Variants in NLRP11 observed in about 807,000 individuals in gnomAD.
NLRP11 encodes NLR family pyrin domain containing 11.
A neutral mutation model predicts 79.3 loss-of-function variants in NLRP11; 53 were observed. The ratio of observed to expected loss-of-function variants is 0.67; its 90% CI spans 0.54 to 0.84. NLRP11 has a LOEUF of 0.84. Among genes scored for constraint, NLRP11 ranks in the 40% least tolerant of loss-of-function variants. NLRP11 has a pLI of 0.00. For missense variants in NLRP11, 1,264 were observed against 1,255.0 expected, an observed-to-expected ratio of 1.01 and a Z score of -0.11; for synonymous variants, 518 against 462.6, an observed-to-expected ratio of 1.12 and a Z score of -1.54.
At chr19:55,792,860 C>G (rs1490374998) in intron 6 of NLRP11, among the ~76,000 whole-genome samples, 1 of 152,150 alleles carries the variant, frequency 6.6e-6, no homozygotes, top group Non-Finnish European at 1.5e-5. Context: ...AATACAGGAA[C>G]TGTTGAAGAT....
At position 55,788,939 on chromosome 19, in the gene NLRP11, G is replaced by T. The variant is rs1282819393; in HGVS notation, c.2723C>A (p.Ser908Tyr). The T allele has an allele frequency of 3.1e-6, 5 of 1,613,760 alleles. No individual in the cohort carries two copies. The highest frequency in any genetic ancestry group is 4.2e-6 in the Non-Finnish European group (5 of 1,179,998). Residue 908 changes from serine (S) to tyrosine (Y), a missense_variant, in exon 9 of 10, where the codon TCT becomes TAT. Physicochemically the swap from Ser to Tyr is moderately radical, Grantham distance 144. Coordinates refer to ENST00000589093, the Ensembl canonical transcript of NLRP11. ...GTTGGTGGTAAGAACAGAGGCAAGA[G>T]ATCGACAGCAGGCACTGGTTAACAT...
At chr19:55,807,391 C>T (rs573841480) in intron 4 of NLRP11, among the ~76,000 whole-genome samples, 18 of 152,270 alleles carry the variant, frequency 1.2e-4, no homozygotes, top group African/African-American at 3.8e-4. Context: ...TAGACTCCTA[C>T]CCTGACCCAT....
intron 6 of NLRP11, among the ~76,000 whole-genome samples, chr19:55,793,555 C>CAAAAAAA (rs1385442204): frequency 1.3e-4 from 4 of 30,666 alleles, no homozygotes; most frequent in Non-Finnish European, 2.3e-4. Flanking sequence ...GTGACTGTCT[C>CAAAAAAA]CAAAAAAAAA....
exon 6 of NLRP11, chr19:55,796,207 C>T (rs375945757): frequency 4.7e-5 from 76 of 1,613,560 alleles, no homozygotes; most frequent in Non-Finnish European, 5.7e-5. Flanking sequence ...AGGAGAGAGG[C>T]GATTTCTTCA....
At chr19:55,827,717 T>C (rs1982367274) in intron 1 of NLRP11, among the ~76,000 whole-genome samples, 1 of 151,708 alleles carries the variant, frequency 6.6e-6, no homozygotes, top group South Asian at 2.1e-4. Context: ...CACAATGAGA[T>C]ACCATCTCAC....
intron 5 of NLRP11, 137 bp downstream of exon 5, chr19:55,801,435 C>A: frequency 1.5e-6 from 1 of 648,570 alleles, no homozygotes; most frequent in Non-Finnish European, 2.7e-6. Flanking sequence ...AAGAAACAAA[C>A]CACGTGCTAA....
chr19:55,823,049 C>A (rs1176141168), intron 1 of NLRP11, among the ~76,000 whole-genome samples: 1 of 148,900 alleles, frequency 6.7e-6, no homozygotes, highest in African/African-American at 2.5e-5. Context: ...GTTCTCCCAG[C>A]ACGCAGCTGG....
rs560447730 is a variant in NLRP11 at position 55,814,266 on chromosome 19, T to C, written c.271+3638A>G. 6.6e-5 allele frequency among the ~76,000 whole-genome samples: 10 copies of C among 152,256 alleles called. No homozygotes were observed. In the South Asian group the frequency reaches 1.9e-3, roughly 28 times the overall value. On this transcript the variant is annotated intron_variant, in intron 2 of 9. Coordinates refer to ENST00000589093, the Ensembl canonical transcript of NLRP11. ...TTCCCATCACCCCCCAATGGGACTG[T>C]CTAGTGGCAGGAAAATGAGCTCAGG... is the stretch of plus-strand genomic sequence containing the variant.
intron 1 of NLRP11, among the ~76,000 whole-genome samples, chr19:55,829,468 C>T (rs1317603406): frequency 6.6e-6 from 1 of 151,808 alleles, no homozygotes; most frequent in Non-Finnish European, 1.5e-5. Context: ...ATCGAGACCC[C>T]TATCCTGGCT....
intron 1 of NLRP11, among the ~76,000 whole-genome samples, chr19:55,818,884 G>A (rs1433076182): frequency 2.0e-5 from 3 of 152,030 alleles, no homozygotes; most frequent in Non-Finnish European, 2.9e-5. Flanking sequence ...ATCTGTTAGC[G>A]CATAAAGCCC....
chr19:55,809,423 C>T lies in NLRP11; in HGVS notation c.1187G>A (p.Arg396His). Residue 396 changes from arginine (R) to histidine (H), a missense_variant, in exon 3 of 10, where the codon CGT becomes CAT. Transcript: ENST00000589093. The surrounding 1 kb of genome is among the most constrained non-coding windows in gnomAD (Gnocchi z 4.5). ...TCCTCCTGCAGCCAGCAAACACAGA[C>T]GTTTTAGGAGACCTAGGTGATACTG... 1.2e-6 allele frequency: 2 copies of T among 1,614,174 alleles called. No homozygotes were observed. Among genetic ancestry groups the T allele is most frequent in the South Asian group, 2.2e-5 (2 of 91,086 alleles).
chr19:55,798,002 T>TA lies in NLRP11; in HGVS notation c.2172-1753_2172-1752insT, dbSNP rs201211112. On this transcript the variant is annotated intron_variant, in intron 5 of 9. Transcript: ENST00000589093. Reference sequence around the variant, plus strand: ...TGGTGTATTCTATATTATTATTATTTTTTTTTTTTTTGAGATGGAGTTTTG... The same window carrying TA: ...TGGTGTATTCTATATTATTATTATTTATTTTTTTTTTTGAGATGGAGTTTTG... Among the ~76,000 whole-genome samples the TA allele has an allele frequency of 7.7e-3, 927 of 120,786 alleles. 8 individuals carry two copies. Among genetic ancestry groups the TA allele is most frequent in the Non-Finnish European group, 9.4e-3 (576 of 61,466 alleles). The allele number at this position is 120,786 out of a possible 152,430, so 79.2% of individuals were successfully genotyped here. A position where few individuals can be genotyped will look rare whatever the true frequency, so the allele number is the denominator to read the frequency against.
At chr19:55,798,373 T>A in intron 5 of NLRP11, 1 of 980,676 alleles carries the variant, frequency 1.0e-6, no homozygotes, top group Non-Finnish European at 1.2e-6. Context: ...AAGATCTGAC[T>A]TAGATTGCCA....
At chr19:55,808,485 T>C (rs1001775673) in intron 3 of NLRP11, among the ~76,000 whole-genome samples, 3 of 152,160 alleles carry the variant, frequency 2.0e-5, no homozygotes, top group African/African-American at 7.2e-5. Flanking sequence ...GGGACCCTAC[T>C]GGCCACAGGA....
intron 1 of NLRP11, among the ~76,000 whole-genome samples, chr19:55,822,608 G>A (rs888985429): frequency 9.9e-5 from 15 of 152,116 alleles, no homozygotes; most frequent in African/African-American, 3.1e-4. Context: ...TGGGAAGCGC[G>A]AGGGGTCAGG....
chr19:55,830,066 A>T (rs1268282188), intron 1 of NLRP11, among the ~76,000 whole-genome samples: 1 of 152,184 alleles, frequency 6.6e-6, no homozygotes, highest in Non-Finnish European at 1.5e-5. Flanking sequence ...TTGAAACTTC[A>T]TGTATAAGTG....
intron 1 of NLRP11, among the ~76,000 whole-genome samples, chr19:55,822,655 C>CG (rs1370589263): frequency 6.6e-6 from 1 of 150,484 alleles, no homozygotes; most frequent in Non-Finnish European, 1.5e-5. Flanking sequence ...GGGTGACGGA[C>CG]GCACCTGGAA....
At chr19:55,832,616 G>A (rs1273626634), upstream of NLRP11, among the ~76,000 whole-genome samples, 1 of 152,226 alleles carries the variant, frequency 6.6e-6, no homozygotes, top group Non-Finnish European at 1.5e-5. Context: ...ATGACTGATA[G>A]AGCTCCTCAT....
At chr19:55,830,354 A>G (rs983624959) in intron 1 of NLRP11, among the ~76,000 whole-genome samples, 1 of 152,106 alleles carries the variant, frequency 6.6e-6, no homozygotes, top group African/African-American at 2.4e-5. Context: ...CTTTCTAGTG[A>G]TATGTTTGTC....
Sources: allele counts gnomAD v4.1 joint callset (sites outside exome capture counted in the v4.1 genomes callset), GRCh38; gene constraint gnomAD v4.1.1; non-coding constraint Gnocchi (gnomAD v3.1); transcripts MANE v1.5; gene names NCBI Gene and HGNC (gene_info 2026-07-23, HGNC 2026-07-21).